LRRTM3: variants seen among roughly 807,000 people sequenced by gnomAD.
The protein encoded by LRRTM3 is leucine rich repeat transmembrane neuronal 3.
LRRTM3 carries 24 observed loss-of-function variants against 44.7 expected under a neutral mutation model. The observed-to-expected ratio is 0.54, with a 90% CI of 0.39 to 0.76. LRRTM3 has a LOEUF of 0.76. LRRTM3 is among the 30% of genes least tolerant of loss of function. The pLI is 0.00. For synonymous variants in LRRTM3, 277 were observed against 278.7 expected (o/e 0.99, Z 0.06); for missense variants, 587 against 702.2 (o/e 0.84, Z 1.85).
chr10:66,997,290 A>T (rs562826721), intron 2 of LRRTM3, among the ~76,000 whole-genome samples: 21 of 152,344 alleles, frequency 1.4e-4, no homozygotes, highest in South Asian at 4.1e-4. Flanking sequence ...TCTCTTATAA[A>T]AATGAATGTG....
chr10:66,951,426 T>C (rs923132547), intron 2 of LRRTM3, among the ~76,000 whole-genome samples: 3 of 152,136 alleles, frequency 2.0e-5, no homozygotes, highest in Non-Finnish European at 4.4e-5. Flanking sequence ...CAACACCATA[T>C]CTTTTAAATG....
chr10:66,928,041 C>A lies in LRRTM3; in HGVS notation c.1125C>A (p.Leu375=). The A allele has an allele frequency of 6.2e-7, 1 of 1,614,104 alleles. No individual in the cohort carries two copies. The highest frequency in any genetic ancestry group is 1.1e-5 in the South Asian group (1 of 91,088). ...AGAGGTTTGATCTGGCCAGGGCTCT[C>A]CCAAAGCCGACGTTTAAGCCCAAGC... is the stretch of plus-strand genomic sequence containing the variant. ...TTERFDLARA[L]PKPTFKPKLP... is the part of the protein sequence containing the mutation. The change falls in exon 2 of 3, where the codon CTC becomes CTA. Residue 375 remains leucine, a synonymous_variant. Coordinates refer to ENST00000361320, the MANE Select transcript of LRRTM3 (RefSeq NM_178011.5).
rs745530377 is a variant in LRRTM3 at position 66,933,382 on chromosome 10, T to C, written c.1536+4930T>C. 7.2e-5 allele frequency among the ~76,000 whole-genome samples: 11 copies of C among 152,120 alleles called. 1 individual carries two copies. Among genetic ancestry groups the C allele is most frequent in the Non-Finnish European group, 1.0e-4 (7 of 68,010 alleles). On this transcript the variant is annotated intron_variant, in intron 2 of 2. Coordinates refer to ENST00000361320, the MANE Select transcript of LRRTM3 (RefSeq NM_178011.5). ...AATAATTATCAAACACATTGAAAAT[T>C]CTACTTGTATTTCAGATCAGGCAAC...
At chr10:66,971,436 A>ATAC (rs1239197467) in intron 2 of LRRTM3, among the ~76,000 whole-genome samples, 4 of 152,092 alleles carry the variant, frequency 2.6e-5, no homozygotes, top group East Asian at 1.9e-4. Context: ...CAAAAAAAAA[A>ATAC]ATACATACAT....
intron 2 of LRRTM3, among the ~76,000 whole-genome samples, chr10:67,022,327 A>C (rs1853070030): frequency 6.6e-6 from 1 of 152,068 alleles, no homozygotes; most frequent in Admixed American, 6.6e-5. Context: ...TTGTACACAC[A>C]TGCCTCTGTG....
intron 2 of LRRTM3, among the ~76,000 whole-genome samples, chr10:66,948,230 TCAGA>T (rs1848372490): frequency 6.6e-6 from 1 of 152,194 alleles, no homozygotes; most frequent in Non-Finnish European, 1.5e-5. Flanking sequence ...TGAACTGTGA[TCAGA>T]CAGACTGAAA....
chr10:67,057,597 A>G (rs568137495), intron 2 of LRRTM3, among the ~76,000 whole-genome samples: 1 of 152,190 alleles, frequency 6.6e-6, no homozygotes, highest in African/African-American at 2.4e-5. Context: ...GACAGGATAT[A>G]CTTCTTTTTT....
At chr10:67,008,711 G>A (rs903200777) in intron 2 of LRRTM3, among the ~76,000 whole-genome samples, 19 of 152,144 alleles carry the variant, frequency 1.2e-4, no homozygotes, top group South Asian at 4.1e-4. Context: ...TCTGCTCCAT[G>A]TAGTCTTTCA....
At chr10:67,025,875 T>C (rs1853340768) in intron 2 of LRRTM3, among the ~76,000 whole-genome samples, 1 of 147,024 alleles carries the variant, frequency 6.8e-6, no homozygotes, top group Admixed American at 6.8e-5. Flanking sequence ...CCAACAATGA[T>C]AGACTGGATT....
chr10:67,086,885 A>G (rs1857342484), intron 2 of LRRTM3, among the ~76,000 whole-genome samples: 1 of 152,056 alleles, frequency 6.6e-6, no homozygotes, highest in Admixed American at 6.6e-5. Flanking sequence ...GACCAAAAAC[A>G]TTAACTGATG....
At chr10:67,068,503 G>A (rs1300017253) in intron 2 of LRRTM3, among the ~76,000 whole-genome samples, 1 of 152,186 alleles carries the variant, frequency 6.6e-6, no homozygotes, top group Non-Finnish European at 1.5e-5. Context: ...GGTGAATAGT[G>A]AGTGAGGTCT....
chr10:66,959,033 C>G (rs1017901230), intron 2 of LRRTM3, among the ~76,000 whole-genome samples: 4 of 152,082 alleles, frequency 2.6e-5, no homozygotes, highest in Non-Finnish European at 5.9e-5. Flanking sequence ...CTTAATTATA[C>G]ACATCCCCAT....
Position 66,926,287 on chromosome 10 carries a change from A to G in LRRTM3, c.-297A>G, listed in dbSNP as rs1397060633. The G allele has an allele frequency of 2.7e-6, 1 of 374,108 alleles. No homozygotes were observed. Among genetic ancestry groups the G allele is most frequent in the South Asian group, 2.1e-5 (1 of 46,704 alleles). 23.2% of individuals were successfully genotyped at this position (374,108 alleles called of 1,614,324 possible). A position where few individuals can be genotyped will look rare whatever the true frequency, so the allele number is the denominator to read the frequency against. On this transcript the variant is annotated 5_prime_UTR_variant, in exon 1 of 3. Transcript: ENST00000361320. ...TTTTTTTTTTAACCGCCCCCTCCCC[A>G]CCCCCCAAAAAACTGTAAAGATGCA...
At chr10:67,027,179 C>T (rs555491203) in intron 2 of LRRTM3, among the ~76,000 whole-genome samples, 5 of 151,492 alleles carry the variant, frequency 3.3e-5, no homozygotes, top group South Asian at 2.1e-4. Flanking sequence ...GGGAAAGGAG[C>T]GTAGGAAGTA....
At chr10:67,078,907 C>A (rs983782266) in intron 2 of LRRTM3, among the ~76,000 whole-genome samples, 1 of 152,188 alleles carries the variant, frequency 6.6e-6, no homozygotes, top group African/African-American at 2.4e-5. Flanking sequence ...CAGAGAGAGA[C>A]AGAATATGCC....
intron 2 of LRRTM3, among the ~76,000 whole-genome samples, chr10:67,095,447 T>C (rs557633789): frequency 3.1e-4 from 47 of 151,896 alleles, no homozygotes; most frequent in Middle Eastern, 3.5e-3. Context: ...ATATGTGGGA[T>C]TTTTAAAACA....
intron 2 of LRRTM3, among the ~76,000 whole-genome samples, chr10:66,995,997 A>G (rs2132955489): frequency 6.6e-6 from 1 of 152,294 alleles, no homozygotes; most frequent in African/African-American, 2.4e-5. Flanking sequence ...TTACTATTAT[A>G]TCCTACACAA....
intron 2 of LRRTM3, among the ~76,000 whole-genome samples, chr10:66,990,282 C>T (rs1172463247): frequency 1.3e-5 from 2 of 152,128 alleles, no homozygotes; most frequent in East Asian, 3.9e-4. Flanking sequence ...CACTGTAGTG[C>T]TGTGGCCAGG....
intron 2 of LRRTM3, among the ~76,000 whole-genome samples, chr10:66,953,870 C>A (rs1848662638): frequency 6.6e-6 from 1 of 152,036 alleles, no homozygotes; most frequent in African/African-American, 2.4e-5. Context: ...AGCTATGTGA[C>A]CTTGGAAAAA....
Sources: allele counts gnomAD v4.1 joint callset (sites outside exome capture counted in the v4.1 genomes callset), GRCh38; gene constraint gnomAD v4.1.1; transcripts MANE v1.5; gene names NCBI Gene and HGNC (gene_info 2026-07-23, HGNC 2026-07-21).